SLC44A5: variants seen among roughly 807,000 people sequenced by gnomAD.
SLC44A5 encodes the protein choline transporter-like protein 5.
SLC44A5 carries 57 observed loss-of-function variants against 101.8 expected under a neutral mutation model. The observed-to-expected ratio is 0.56, with a 90% CI of 0.45 to 0.70. The LOEUF is 0.70. Ranked by LOEUF, SLC44A5 falls within the 30% of genes least tolerant of loss-of-function variation. The pLI is 0.00. For synonymous variants in SLC44A5, 281 were observed against 290.9 expected (o/e 0.97, Z 0.35); for missense variants, 737 against 853.1 (o/e 0.86, Z 1.70).
At chr1:75,226,194 T>C (rs1207659947) in intron 13 of SLC44A5, among the ~76,000 whole-genome samples, 1 of 152,016 alleles carries the variant, frequency 6.6e-6, no homozygotes, top group African/African-American at 2.4e-5. Context: ...TTAGTCTGCA[T>C]GAGAGCTAGA....
At chr1:75,620,593 T>C in the SLC44A5 span, among the ~76,000 whole-genome samples, 1 of 152,328 alleles carries the variant, frequency 6.6e-6, no homozygotes, top group Non-Finnish European at 1.5e-5. Flanking sequence ...ATGATGAGCA[T>C]TTTTTCATAT....
the SLC44A5 span, among the ~76,000 whole-genome samples, chr1:75,700,186 G>GA: frequency 6.6e-6 from 1 of 151,936 alleles, no homozygotes; most frequent in African/African-American, 2.4e-5. Context: ...TCTCCACCCC[G>GA]AATCAACAGA....
At chr1:75,342,903 T>C (rs10518500) in intron 3 of SLC44A5, among the ~76,000 whole-genome samples, 21,549 of 152,210 alleles carry the variant, frequency 0.14, 2,009 homozygotes, top group Non-Finnish European at 0.21. Flanking sequence ...GAGCTGATTC[T>C]GTATAGTAAT....
intron 3 of SLC44A5, among the ~76,000 whole-genome samples, chr1:75,367,340 A>G (rs1414546084): frequency 3.9e-5 from 6 of 152,150 alleles, no homozygotes; most frequent in South Asian, 2.1e-4. Context: ...CATATCTCCT[A>G]TGGGGTCCCT....
chr1:75,419,417 T>C (rs1663863267), intron 2 of SLC44A5, among the ~76,000 whole-genome samples: 1 of 150,306 alleles, frequency 6.7e-6, no homozygotes, highest in African/African-American at 2.5e-5. Context: ...GACGGTAGAC[T>C]GCTCATCAGA....
chr1:75,569,314 C>T lies in SLC44A5; in HGVS notation c.-69-27798G>A, dbSNP rs182010875. On this transcript the variant is annotated intron_variant, in intron 1 of 23. Coordinates refer to ENST00000370859, the MANE Select transcript of SLC44A5 (RefSeq NM_001130058.2). ...GGAGTGCAGCAGCATAATCATGGCTCACTGCAGCTTCTACCTCCCAGGCTC... is the reference window on the plus strand; with the variant it reads ...GGAGTGCAGCAGCATAATCATGGCTTACTGCAGCTTCTACCTCCCAGGCTC... Among the ~76,000 whole-genome samples the T allele has an allele frequency of 2.7e-3, 397 of 148,164 alleles. 3 individuals are homozygous for T. The highest frequency in any genetic ancestry group is 0.011 in the Middle Eastern group (3 of 280).
At chr1:75,609,647 A>G (rs1247772003) in intron 1 of SLC44A5, among the ~76,000 whole-genome samples, 1 of 152,042 alleles carries the variant, frequency 6.6e-6, no homozygotes, top group African/African-American at 2.4e-5. Flanking sequence ...AAAAAAGCAG[A>G]GGAGAAAGCA....
At chr1:75,635,550 G>A in the SLC44A5 span, among the ~76,000 whole-genome samples, 1 of 150,576 alleles carries the variant, frequency 6.6e-6, no homozygotes, top group Non-Finnish European at 1.5e-5. Context: ...GTAAACTATT[G>A]CAAGGACAAA....
intron 3 of SLC44A5, among the ~76,000 whole-genome samples, chr1:75,389,691 C>T (rs1356371881): frequency 6.6e-6 from 1 of 152,106 alleles, no homozygotes; most frequent in Non-Finnish European, 1.5e-5. Context: ...TATAGCACTA[C>T]ATACCTATAT....
chr1:75,662,041 G>C, the SLC44A5 span, among the ~76,000 whole-genome samples: 1 of 151,994 alleles, frequency 6.6e-6, no homozygotes, highest in Non-Finnish European at 1.5e-5. Flanking sequence ...AGAGACATCT[G>C]CACTCTCATA....
At chr1:75,227,191 C>T (rs1033174542) in intron 13 of SLC44A5, among the ~76,000 whole-genome samples, 6 of 151,898 alleles carry the variant, frequency 4.0e-5, no homozygotes, top group African/African-American at 1.5e-4. Context: ...ATAGGGAGAC[C>T]CCATCTCTAC....
intron 2 of SLC44A5, among the ~76,000 whole-genome samples, chr1:75,488,130 C>T (rs948587362): frequency 2.0e-5 from 3 of 152,196 alleles, no homozygotes; most frequent in Non-Finnish European, 4.4e-5. Flanking sequence ...AGGCCTCCCA[C>T]TGATTCTACA....
At chr1:75,336,886 C>A (rs1490410831) in intron 4 of SLC44A5, among the ~76,000 whole-genome samples, 1 of 152,130 alleles carries the variant, frequency 6.6e-6, no homozygotes, top group Non-Finnish European at 1.5e-5. Context: ...CCTAGTAATG[C>A]AAATAGCGCA....
intron 6 of SLC44A5, among the ~76,000 whole-genome samples, chr1:75,266,542 TAAC>T (rs1385915799): frequency 6.6e-6 from 1 of 152,200 alleles, no homozygotes; most frequent in Non-Finnish European, 1.5e-5. Flanking sequence ...AGTTGAACCT[TAAC>T]AAGTATTTTA....
intron 2 of SLC44A5, among the ~76,000 whole-genome samples, chr1:75,412,563 G>A (rs754990709): frequency 6.6e-6 from 1 of 152,116 alleles, no homozygotes; most frequent in Non-Finnish European, 1.5e-5. Flanking sequence ...CGAACAGGAG[G>A]TGTATTTCCA....
the SLC44A5 span, among the ~76,000 whole-genome samples, chr1:75,709,161 A>T: frequency 5.9e-5 from 9 of 152,068 alleles, no homozygotes; most frequent in Non-Finnish European, 1.0e-4. Flanking sequence ...CCAGTCCATG[A>T]CTCTTTAACC....
intron 1 of SLC44A5, among the ~76,000 whole-genome samples, chr1:75,574,938 G>T (rs1049515963): frequency 6.6e-6 from 1 of 152,048 alleles, no homozygotes; most frequent in Admixed American, 6.6e-5. Context: ...ACATTCTACT[G>T]GGAAAATAAA....
intron 2 of SLC44A5, among the ~76,000 whole-genome samples, chr1:75,413,209 A>G (rs1208915947): frequency 6.6e-6 from 1 of 152,148 alleles, no homozygotes; most frequent in Non-Finnish European, 1.5e-5. Flanking sequence ...GAAAAAATAG[A>G]GTATATATAG....
At chr1:75,666,954 T>G in the SLC44A5 span, among the ~76,000 whole-genome samples, 5 of 152,146 alleles carry the variant, frequency 3.3e-5, no homozygotes, top group African/African-American at 1.2e-4. Flanking sequence ...ATAAGAGCTA[T>G]TTATGACAAA....
Sources: allele counts gnomAD v4.1 joint callset (sites outside exome capture counted in the v4.1 genomes callset), GRCh38; gene constraint gnomAD v4.1.1; transcripts MANE v1.5; gene names NCBI Gene and HGNC (gene_info 2026-07-23, HGNC 2026-07-21).